Variants in HEMK2 observed in about 807,000 individuals in gnomAD.
The protein encoded by HEMK2 is methyltransferase HEMK2.
At chr21:28,808,887 A>G in the HEMK2 span, among the ~76,000 whole-genome samples, 1 of 152,180 alleles carries the variant, frequency 6.6e-6, no homozygotes, top group African/African-American at 2.4e-5. Flanking sequence ...CAAATTTAAT[A>G]GTTTTAATTA....
chr21:28,596,066 A>G, the HEMK2 span, among the ~76,000 whole-genome samples: 2,684 of 150,996 alleles, frequency 0.018, 107 homozygotes, highest in African/African-American at 0.063. Flanking sequence ...TTTTTGAGAT[A>G]GAGTCTCACT....
the HEMK2 span, among the ~76,000 whole-genome samples, chr21:28,726,995 A>G: frequency 2.0e-5 from 3 of 152,170 alleles, no homozygotes; most frequent in South Asian, 2.1e-4. Context: ...AGTTTTCTCA[A>G]TATCAGTACT....
the HEMK2 span, among the ~76,000 whole-genome samples, chr21:28,806,316 T>C: frequency 6.6e-6 from 1 of 152,226 alleles, no homozygotes; most frequent in African/African-American, 2.4e-5. Context: ...AATATGCTGG[T>C]TCATGTAAAA....
chr21:28,747,712 T>C, the HEMK2 span, among the ~76,000 whole-genome samples: 1 of 152,240 alleles, frequency 6.6e-6, no homozygotes, highest in Non-Finnish European at 1.5e-5. Context: ...AACAAAATTG[T>C]ATCCTTTGCA....
At chr21:28,797,451 A>C in the HEMK2 span, among the ~76,000 whole-genome samples, 1 of 151,246 alleles carries the variant, frequency 6.6e-6, no homozygotes, top group South Asian at 2.1e-4. Context: ...ACAAAAAAAA[A>C]AAACAAAAAA....
chr21:28,616,489 A>G, the HEMK2 span, among the ~76,000 whole-genome samples: 1 of 152,194 alleles, frequency 6.6e-6, no homozygotes, highest in African/African-American at 2.4e-5. Context: ...TCTTATTCTA[A>G]TAAAATATTA....
At chr21:28,684,869 C>G in the HEMK2 span, among the ~76,000 whole-genome samples, 1 of 152,292 alleles carries the variant, frequency 6.6e-6, no homozygotes, top group African/African-American at 2.4e-5. Flanking sequence ...ACTTAGATTT[C>G]TAGTGGCCAC....
the HEMK2 span, among the ~76,000 whole-genome samples, chr21:28,685,383 T>C: frequency 2.0e-5 from 3 of 152,204 alleles, no homozygotes; most frequent in South Asian, 6.2e-4. Flanking sequence ...GAAGTTGAAG[T>C]TGAAGAACAG....
the HEMK2 span, among the ~76,000 whole-genome samples, chr21:28,831,634 G>GGAAA: frequency 4.5e-3 from 165 of 36,444 alleles, 11 homozygotes; most frequent in Admixed American, 6.4e-3. Context: ...AAAGAAGGAA[G>GGAAA]GAAAGAAAGA....
the HEMK2 span, among the ~76,000 whole-genome samples, chr21:28,830,268 A>G: frequency 6.6e-6 from 1 of 152,094 alleles, no homozygotes; most frequent in Non-Finnish European, 1.5e-5. Flanking sequence ...TAATTGGATC[A>G]TGGGGGCAGA....
the HEMK2 span, among the ~76,000 whole-genome samples, chr21:28,733,415 A>G: frequency 3.3e-5 from 5 of 152,196 alleles, no homozygotes; most frequent in Admixed American, 2.0e-4. Context: ...TCAGCTAAGC[A>G]TCCACAACAG....
chr21:28,656,325 C>T, the HEMK2 span, among the ~76,000 whole-genome samples: 2,318 of 152,126 alleles, frequency 0.015, 59 homozygotes, highest in African/African-American at 0.051. Flanking sequence ...CAACCACTAA[C>T]GGCTTGTGGA....
At chr21:28,800,053 G>A in the HEMK2 span, among the ~76,000 whole-genome samples, 1 of 152,188 alleles carries the variant, frequency 6.6e-6, no homozygotes, top group East Asian at 1.9e-4. Context: ...TTATGCACGT[G>A]ATGCTGCAGT....
chr21:28,866,175 A>AAAAAAAAAAC, the HEMK2 span, among the ~76,000 whole-genome samples: 2,939 of 75,856 alleles, frequency 0.039, 902 homozygotes, highest in Non-Finnish European at 0.046. Flanking sequence ...CAAAAAAAAA[A>AAAAAAAAAAC]ACACACACAC....
the HEMK2 span, among the ~76,000 whole-genome samples, chr21:28,724,624 C>T: frequency 3.3e-5 from 5 of 152,240 alleles, no homozygotes; most frequent in East Asian, 1.9e-4. Context: ...AATAACAGAG[C>T]GCCAGCAAAT....
the HEMK2 span, among the ~76,000 whole-genome samples, chr21:28,648,227 T>TTATG: frequency 6.6e-6 from 1 of 152,220 alleles, no homozygotes; most frequent in African/African-American, 2.4e-5. Flanking sequence ...CCTGCTAACT[T>TTATG]TATGTATGTA....
chr21:28,809,542 C>G, the HEMK2 span, among the ~76,000 whole-genome samples: 1 of 152,048 alleles, frequency 6.6e-6, no homozygotes, highest in Non-Finnish European at 1.5e-5. Context: ...AGTGTTTTTG[C>G]AAAGCCAAAT....
At chr21:28,785,622 T>C in the HEMK2 span, among the ~76,000 whole-genome samples, 1 of 152,204 alleles carries the variant, frequency 6.6e-6, no homozygotes, top group African/African-American at 2.4e-5. Context: ...CATTTCTGCT[T>C]ACATTCTTAC....
At chr21:28,623,813 T>G in the HEMK2 span, among the ~76,000 whole-genome samples, 2 of 152,100 alleles carry the variant, frequency 1.3e-5, no homozygotes, top group South Asian at 4.2e-4. Context: ...GAGGGGAACA[T>G]CACACACTGG....
Sources: gnomAD v4.1 joint callset for allele counts (sites outside exome capture counted in the v4.1 genomes callset) on GRCh38, gnomAD v4.1.1 for gene constraint, MANE v1.5 for transcripts, NCBI Gene and HGNC (gene_info 2026-07-23, HGNC 2026-07-21) for gene names.